INTU: variants seen among roughly 807,000 people sequenced by gnomAD.
INTU encodes the protein inturned planar cell polarity protein.
A neutral mutation model predicts 100.5 loss-of-function variants in INTU; 68 were observed. That is an observed-to-expected ratio of 0.68 (90% confidence interval 0.56 to 0.83). The LOEUF (loss-of-function observed/expected upper bound fraction) is 0.83. INTU is among the 40% of genes least tolerant of loss of function. The pLI, the probability that INTU is intolerant of heterozygous loss-of-function variation, is 0.00. For missense variants in INTU, 1,071 were observed against 1,114.7 expected, an observed-to-expected ratio of 0.96 and a Z score of 0.56; for synonymous variants, 357 against 395.7, an observed-to-expected ratio of 0.90 and a Z score of 1.16.
At chr4:127,636,613 CAA>C (rs770388771) in intron 1 of INTU, among the ~76,000 whole-genome samples, 1,381 of 85,456 alleles carry the variant, frequency 0.016, 19 homozygotes, top group African/African-American at 0.049. Context: ...CACACCATCT[CAA>C]AAAAAAAAAA....
intron 5 of INTU, among the ~76,000 whole-genome samples, chr4:127,670,420 T>C (rs948170657): frequency 1.3e-5 from 2 of 151,984 alleles, no homozygotes; most frequent in African/African-American, 4.8e-5. Context: ...TGTTTAACTA[T>C]GTGACTTTAA....
At chr4:127,673,550 C>G (rs114908783) in intron 5 of INTU, among the ~76,000 whole-genome samples, 1,598 of 144,602 alleles carry the variant, frequency 0.011, 23 homozygotes, top group African/African-American at 0.037. Flanking sequence ...AGAATTTCAA[C>G]TTTTTTTTTT....
intron 1 of INTU, among the ~76,000 whole-genome samples, chr4:127,636,075 C>T (rs560697604): frequency 1.6e-4 from 24 of 151,900 alleles, no homozygotes; most frequent in South Asian, 1.3e-3. Flanking sequence ...AAACCAGCCT[C>T]GGAAACATAG....
At chr4:127,705,112 A>G (rs575576196) in intron 10 of INTU, among the ~76,000 whole-genome samples, 1 of 152,136 alleles carries the variant, frequency 6.6e-6, no homozygotes, top group Non-Finnish European at 1.5e-5. Context: ...AGTAACCTAC[A>G]TCTTTTAAAT....
Position 127,706,692 on chromosome 4 carries a change from G to A in INTU, c.1994G>A (p.Arg665His), listed in dbSNP as rs147871621. The change falls in exon 12 of 16, where the codon CGT becomes CAT. Residue 665 changes from arginine to histidine, a missense_variant. Transcript: ENST00000335251. ...GCTGACTGGTTCCTTACTGGATCACGTGAAAAAACAGATAGCTTGACCACT... is the reference window on the plus strand; with the variant it reads ...GCTGACTGGTTCCTTACTGGATCACATGAAAAAACAGATAGCTTGACCACT... ...SCADWFLTGS[R>H]EKTDSLTTSP... The A allele has an allele frequency of 5.3e-5, 85 of 1,614,068 alleles. No individual in the cohort carries two copies. The highest frequency in any genetic ancestry group is 8.0e-5 in the African/African-American group (6 of 75,026).
At chr4:127,638,715 C>T (rs1727180311) in intron 1 of INTU, among the ~76,000 whole-genome samples, 1 of 152,168 alleles carries the variant, frequency 6.6e-6, no homozygotes, top group Admixed American at 6.5e-5. Context: ...CTGTTTACCA[C>T]ATCATTTAGG....
chr4:127,714,038 G>A lies in INTU; in HGVS notation c.2662G>A (p.Gly888Arg), dbSNP rs200699160. Reference sequence around the variant, plus strand: ...TGGTGTGTTGTTTGAATGTTCACCTGGAAACTGGACTGATCAGAAAAAAGC... The same window carrying A: ...TGGTGTGTTGTTTGAATGTTCACCTAGAAACTGGACTGATCAGAAAAAAGC... ...EHGVLFECSP[G>R]NWTDQKKAPP... is the part of the protein sequence containing the mutation. The change falls in exon 15 of 16, where the codon GGA (glycine) becomes AGA (arginine). Residue 888 changes from glycine to arginine, a missense_variant. By Grantham distance (125) the Gly-to-Arg change is moderately radical. Transcript: ENST00000335251. The A allele has an allele frequency of 6.2e-7, 1 of 1,613,630 alleles. No individual in the cohort carries two copies. Among genetic ancestry groups the A allele is most frequent in the Non-Finnish European group, 8.5e-7 (1 of 1,179,792 alleles).
chr4:127,693,281 T>TAAC (rs1486608759), intron 8 of INTU, among the ~76,000 whole-genome samples: 1 of 152,172 alleles, frequency 6.6e-6, no homozygotes, highest in Non-Finnish European at 1.5e-5. Context: ...GTTTTCTTTG[T>TAAC]AGAGGTCTTT....
At chr4:127,685,971 T>C (rs923025322) in intron 7 of INTU, 8 of 152,198 alleles carry the variant, frequency 5.3e-5, no homozygotes, top group African/African-American at 1.9e-4. Context: ...CGATAATAAA[T>C]GTGAAGATCC....
In INTU at chr4:127,664,726, C is replaced by A. The variant is rs138178818; in HGVS notation, c.972+1142C>A. On this transcript the variant is annotated intron_variant, in intron 4 of 15. Transcript: ENST00000335251. ...TTTTATAAGTATTTGAATTTTTTTTCTTTCTTTTTCTCAGTCCGTGTCTTT... is the reference window on the plus strand; with the variant it reads ...TTTTATAAGTATTTGAATTTTTTTTATTTCTTTTTCTCAGTCCGTGTCTTT... Among the ~76,000 whole-genome samples, 370 of 151,378 alleles carry A rather than the reference C, an allele frequency of 2.4e-3. 1 individual carries two copies. The highest frequency in any genetic ancestry group is 8.2e-3 in the African/African-American group (338 of 41,354).
At chr4:127,678,721 A>G (rs1354827196) in intron 6 of INTU, among the ~76,000 whole-genome samples, 1 of 152,216 alleles carries the variant, frequency 6.6e-6, no homozygotes, top group Non-Finnish European at 1.5e-5. Flanking sequence ...AGCTAACATC[A>G]TAATGACAGG....
intron 1 of INTU, among the ~76,000 whole-genome samples, chr4:127,635,120 A>G (rs1194685302): frequency 2.6e-5 from 4 of 152,214 alleles, no homozygotes; most frequent in South Asian, 2.1e-4. Flanking sequence ...ACTGTTTCAT[A>G]CATGCTTTGT....
Position 127,644,065 on chromosome 4 carries a change from T to C in INTU, c.682+9T>C. ...CGGTCAGGTACTCATTGGTAAGTGT[T>C]GCTGGTACACATCCATCCCTGTTTA... is the stretch of plus-strand genomic sequence containing the variant. On this transcript the variant is annotated intron_variant, in intron 2 of 15. Coordinates refer to ENST00000335251, the MANE Select transcript of INTU (RefSeq NM_015693.4). 1 of 1,605,874 alleles carries C rather than the reference T, an allele frequency of 6.2e-7. No individual in the cohort carries two copies.
At position 127,719,245 on chromosome 4, in the gene INTU, G is replaced by C. The variant is rs190442004; in HGVS notation, c.*2809G>C. 102 of 152,222 alleles carry C rather than the reference G, an allele frequency of 6.7e-4. No individual in the cohort carries two copies. Among genetic ancestry groups the C allele is most frequent in the African/African-American group, 2.2e-3 (93 of 41,548 alleles). 9.4% of individuals were successfully genotyped at this position (152,222 alleles called of 1,614,324 possible). The stretch of plus-strand genomic sequence containing the variant: ...TCTGCATCTATTGAGTTAATCATGT[G>C]GTCTTTGTCTTTAGTTCTGTTTGTG... On this transcript the variant is annotated 3_prime_UTR_variant, in exon 16 of 16. Transcript: ENST00000335251.
intron 8 of INTU, among the ~76,000 whole-genome samples, chr4:127,691,498 T>C (rs1349738159): frequency 6.6e-6 from 1 of 152,208 alleles, no homozygotes; most frequent in African/African-American, 2.4e-5. Context: ...TTAATTTGCA[T>C]TTCCCTGATG....
At chr4:127,649,466 G>T (rs1727734754) in intron 2 of INTU, among the ~76,000 whole-genome samples, 1 of 151,952 alleles carries the variant, frequency 6.6e-6, no homozygotes, top group African/African-American at 2.4e-5. Flanking sequence ...TATACAGGTT[G>T]AGTACTCCTT....
At chr4:127,644,138 C>T in intron 2 of INTU, 82 bp downstream of exon 2, 1 of 1,347,932 alleles carries the variant, frequency 7.4e-7, no homozygotes, top group Non-Finnish European at 1.0e-6. Context: ...GTGATAAAAA[C>T]AATTATATAC....
intron 8 of INTU, among the ~76,000 whole-genome samples, chr4:127,692,740 C>A (rs142465655): frequency 0.024 from 3,684 of 152,200 alleles, 138 homozygotes; most frequent in African/African-American, 0.084. Flanking sequence ...AGTCTTTGAT[C>A]CATCTTGAGT....
rs768102686 is a variant in INTU, at chr4:127,706,933, C to T, written c.2235C>T (p.Gly745=). 3 of 1,613,886 alleles carry T rather than the reference C, an allele frequency of 1.9e-6. No individual in the cohort carries two copies. The highest frequency in any genetic ancestry group is 2.5e-6 in the Non-Finnish European group (3 of 1,179,890). Reference sequence around the variant, plus strand: ...TACGGAAGCAAAGAGAATCTCAGGGCTCTGATGGTTTAGAAGAAAGTGGGA... The same window carrying T: ...TACGGAAGCAAAGAGAATCTCAGGGTTCTGATGGTTTAGAAGAAAGTGGGA... The part of the protein sequence containing the change: ...DAVRKQRESQ[G]SDGLEESGTL... Residue 745 remains glycine, a synonymous_variant, in exon 12 of 16, where the codon GGC becomes GGT. Coordinates refer to ENST00000335251, the MANE Select transcript of INTU (RefSeq NM_015693.4).
Sources: gnomAD v4.1 joint callset for allele counts (sites outside exome capture counted in the v4.1 genomes callset) on GRCh38, gnomAD v4.1.1 for gene constraint, MANE v1.5 for transcripts, NCBI Gene and HGNC (gene_info 2026-07-23, HGNC 2026-07-21) for gene names.